Variants in CUX1 observed in about 807,000 individuals in gnomAD.
The protein encoded by CUX1 is cut like homeobox 1.
A neutral mutation model predicts 158.8 loss-of-function variants in CUX1; 31 were observed. That is an observed-to-expected ratio of 0.20 (90% CI 0.15 to 0.26). The LOEUF (loss-of-function observed/expected upper bound fraction) is 0.26. Among genes scored for constraint, CUX1 ranks in the 10% least tolerant of loss-of-function variants. CUX1 has a pLI of 1.00. For synonymous variants in CUX1, 879 were observed against 862.1 expected (o/e 1.02, Z -0.34); for missense variants, 1,589 against 2,014.6 (o/e 0.79, Z 4.04).
rs187206393 is a variant in CUX1 at position 102,226,621 on chromosome 7, G to A, written c.3131-746G>A. Among the ~76,000 whole-genome samples, 4 of 128,392 alleles carry A rather than the reference G, an allele frequency of 3.1e-5. No homozygotes were observed. The East Asian group carries it at 7.9e-4, about 25-fold the overall frequency. The allele number at this position is 128,392 out of a possible 152,430, so 84.2% of individuals were successfully genotyped here. A position where few individuals can be genotyped will look rare whatever the true frequency, so the allele number is the denominator to read the frequency against. ...GAAGCTATAGCCTTATGTTTCCGCAGTTGTTGTTTTTTTTCTTTTTTGAGA... is the reference window on the plus strand; with the variant it reads ...GAAGCTATAGCCTTATGTTTCCGCAATTGTTGTTTTTTTTCTTTTTTGAGA... On this transcript the variant is annotated intron_variant, in intron 20 of 23. Transcript: ENST00000292535.
At chr7:102,230,358 C>G (rs113013654) in intron 21 of CUX1, among the ~76,000 whole-genome samples, 1 of 151,418 alleles carries the variant, frequency 6.6e-6, no homozygotes, top group Non-Finnish European at 1.5e-5. Flanking sequence ...TGGTGGCACC[C>G]GCTGTAATCC....
chr7:102,102,294 C>A (rs1487281921), intron 5 of CUX1, among the ~76,000 whole-genome samples: 1 of 151,532 alleles, frequency 6.6e-6, no homozygotes, highest in Admixed American at 6.6e-5. Context: ...AGGTGTGGTG[C>A]GCGCCTGTAA....
intron 19 of CUX1, 51 bp downstream of exon 19, chr7:102,204,607 C>G: frequency 1.3e-6 from 2 of 1,592,618 alleles, no homozygotes; most frequent in Non-Finnish European, 1.7e-6. Context: ...TAGCAAGGAC[C>G]TGGTCACAGC....
At chr7:102,195,399 T>G in intron 13 of CUX1, 108 bp from the exon 14 acceptor site, 1 of 811,066 alleles carries the variant, frequency 1.2e-6, no homozygotes, top group Non-Finnish European at 1.9e-6. Flanking sequence ...GATCGAGAGC[T>G]GGGTGGGAAC....
intron 3 of CUX1, among the ~76,000 whole-genome samples, chr7:102,070,125 T>C (rs1187944601): frequency 1.3e-5 from 2 of 152,214 alleles, no homozygotes; most frequent in African/African-American, 2.4e-5. Flanking sequence ...GTATAGTGAA[T>C]GGCTCCATAC....
intron 20 of CUX1, among the ~76,000 whole-genome samples, chr7:102,223,603 T>C (rs1384677962): frequency 6.6e-6 from 1 of 152,150 alleles, no homozygotes; most frequent in East Asian, 1.9e-4. Context: ...GATGGAGCCC[T>C]GTGATTAAAA....
chr7:102,170,871 G>A (rs1791637796), intron 10 of CUX1, among the ~76,000 whole-genome samples: 1 of 152,090 alleles, frequency 6.6e-6, no homozygotes, highest in Non-Finnish European at 1.5e-5. Flanking sequence ...CTGGCATGCG[G>A]GTGCAGACCC....
At chr7:101,846,994 A>T (rs375044505) in intron 1 of CUX1, among the ~76,000 whole-genome samples, 1 of 152,122 alleles carries the variant, frequency 6.6e-6, no homozygotes, top group African/African-American at 2.4e-5. Flanking sequence ...ATTAAAAAAA[A>T]TTAGCTGACA....
At chr7:101,898,635 G>T (rs1394242519) in intron 1 of CUX1, among the ~76,000 whole-genome samples, 1 of 148,884 alleles carries the variant, frequency 6.7e-6, no homozygotes, top group African/African-American at 2.5e-5. Flanking sequence ...CTGTGGCCTG[G>T]GCTGGAGTGC....
intron 2 of CUX1, among the ~76,000 whole-genome samples, chr7:101,944,525 C>T (rs961216122): frequency 6.6e-6 from 1 of 152,182 alleles, no homozygotes; most frequent in African/African-American, 2.4e-5. Context: ...ACCAGCAATC[C>T]AGCCTTCTGC....
intron 2 of CUX1, among the ~76,000 whole-genome samples, chr7:101,979,309 G>A (rs1178583660): frequency 6.6e-6 from 1 of 152,210 alleles, no homozygotes. Context: ...CCTGGAGCAG[G>A]TCATCACCCA....
chr7:101,924,291 C>T (rs753841410), intron 2 of CUX1, among the ~76,000 whole-genome samples: 14 of 152,120 alleles, frequency 9.2e-5, no homozygotes, highest in Non-Finnish European at 1.9e-4. Flanking sequence ...TGGGCCCAAA[C>T]GCATTTAGTC....
At chr7:102,193,076 G>A (rs148625639) in intron 12 of CUX1, among the ~76,000 whole-genome samples, 12 of 152,198 alleles carry the variant, frequency 7.9e-5, no homozygotes, top group Non-Finnish European at 1.8e-4. Flanking sequence ...TGCAGAGAAG[G>A]TCTGCCCACC....
chr7:102,229,948 G>A (rs1182794298), intron 21 of CUX1, among the ~76,000 whole-genome samples: 2 of 152,152 alleles, frequency 1.3e-5, no homozygotes, highest in Admixed American at 6.5e-5. Flanking sequence ...TTAAACCACC[G>A]TGCTCCTCCA....
At chr7:102,222,774 C>T in intron 20 of CUX1, among the ~76,000 whole-genome samples, 1 of 143,336 alleles carries the variant, frequency 7.0e-6, no homozygotes, top group East Asian at 2.2e-4. Flanking sequence ...ATGGCCCATC[C>T]ACCTAGCTCC....
At chr7:102,138,586 A>G (rs1383475486) in intron 8 of CUX1, among the ~76,000 whole-genome samples, 7 of 152,224 alleles carry the variant, frequency 4.6e-5, no homozygotes, top group Non-Finnish European at 7.3e-5. Context: ...CTGTACTGTT[A>G]TTAGATTACA....
intron 1 of CUX1, among the ~76,000 whole-genome samples, chr7:101,842,586 A>T (rs191440439): frequency 1.7e-3 from 262 of 152,064 alleles, no homozygotes; most frequent in Middle Eastern, 3.4e-3. Flanking sequence ...GGGTTTCATT[A>T]TGTTGCTCAG....
chr7:102,003,335 C>CACAT (rs3222405), intron 2 of CUX1, among the ~76,000 whole-genome samples: 1 of 145,152 alleles, frequency 6.9e-6, no homozygotes, highest in African/African-American at 2.8e-5. Context: ...CACACACACA[C>CACAT]GCCCGCCCCC....
chr7:101,906,528 T>A (rs1417269110), intron 1 of CUX1, among the ~76,000 whole-genome samples: 1 of 151,876 alleles, frequency 6.6e-6, no homozygotes, highest in African/African-American at 2.4e-5. Context: ...GGTGGTCTTA[T>A]CGATGGCCCC....
Sources: allele counts gnomAD v4.1 joint callset (sites outside exome capture counted in the v4.1 genomes callset), GRCh38; gene constraint gnomAD v4.1.1; transcripts MANE v1.5; gene names NCBI Gene and HGNC (gene_info 2026-07-23, HGNC 2026-07-21).